Variants in CDH11 observed in about 807,000 individuals in gnomAD.
CDH11 encodes cadherin-11.
CDH11 carries 11 observed loss-of-function variants against 67.8 expected under a neutral mutation model. The ratio of observed to expected loss-of-function variants is 0.16; its 90% confidence interval spans 0.10 to 0.27. The LOEUF (loss-of-function observed/expected upper bound fraction) is 0.27. CDH11 is among the 10% of genes least tolerant of loss of function. The probability of loss-of-function intolerance (pLI) is 1.00; values close to 1 mark genes in which losing one functional copy is unlikely to be tolerated. For synonymous variants in CDH11, 419 were observed against 400.0 expected, an observed-to-expected ratio of 1.05 and a Z score of -0.57; for missense variants, 847 against 1,031.2, an observed-to-expected ratio of 0.82 and a Z score of 2.45.
chr16:65,057,793 G>A (rs1195645278), intron 1 of CDH11, among the ~76,000 whole-genome samples: 1 of 152,212 alleles, frequency 6.6e-6, no homozygotes, highest in East Asian at 1.9e-4. Context: ...CAAGTGCATA[G>A]AGCAAGGAAG....
chr16:65,056,818 A>T (rs1435220195), intron 1 of CDH11, among the ~76,000 whole-genome samples: 1 of 152,146 alleles, frequency 6.6e-6, no homozygotes, highest in Non-Finnish European at 1.5e-5. Flanking sequence ...CAAATCTGTA[A>T]AAGACCGATC....
chr16:65,111,841 G>C (rs184715770), intron 1 of CDH11, among the ~76,000 whole-genome samples: 1 of 152,172 alleles, frequency 6.6e-6, no homozygotes, highest in East Asian at 1.9e-4. Flanking sequence ...GGAGGCCAAG[G>C]CGGGTGGATC....
intron 2 of CDH11, among the ~76,000 whole-genome samples, chr16:65,025,626 C>G (rs1326993739): frequency 1.3e-5 from 2 of 152,178 alleles, no homozygotes; most frequent in East Asian, 1.9e-4. Context: ...TAGGCATGAG[C>G]TACCACACCT....
chr16:65,053,513 G>A (rs959999494), intron 2 of CDH11, among the ~76,000 whole-genome samples: 11 of 152,280 alleles, frequency 7.2e-5, no homozygotes, highest in South Asian at 6.2e-4. Context: ...CTGTTCAGCC[G>A]GGTCCTTGCT....
intron 11 of CDH11, among the ~76,000 whole-genome samples, chr16:64,964,708 C>A (rs538150589): frequency 1.3e-5 from 2 of 151,936 alleles, no homozygotes; most frequent in Non-Finnish European, 2.9e-5. Context: ...GCCACCACAC[C>A]CGGATAATTT....
chr16:65,079,334 T>C (rs1281919752), intron 1 of CDH11, among the ~76,000 whole-genome samples: 1 of 152,220 alleles, frequency 6.6e-6, no homozygotes, highest in African/African-American at 2.4e-5. Flanking sequence ...AATGCATTTT[T>C]TTCTATCATG....
chr16:65,100,604 G>A (rs770665079), intron 1 of CDH11, among the ~76,000 whole-genome samples: 29 of 152,042 alleles, frequency 1.9e-4, no homozygotes, highest in Middle Eastern at 6.8e-3. Context: ...CGGGCGTCGT[G>A]GCGGGCGCCT....
chr16:65,037,400 A>G (rs1024129877), intron 2 of CDH11, among the ~76,000 whole-genome samples: 4 of 152,162 alleles, frequency 2.6e-5, no homozygotes, highest in East Asian at 1.9e-4. Context: ...ACCTCTGTCT[A>G]CACAGCCCCA....
intron 11 of CDH11, among the ~76,000 whole-genome samples, chr16:64,955,998 C>A (rs1225243137): frequency 6.6e-6 from 1 of 152,064 alleles, no homozygotes; most frequent in African/African-American, 2.4e-5. Flanking sequence ...GACATATTTC[C>A]AGGAAAGTGT....
intron 2 of CDH11, among the ~76,000 whole-genome samples, chr16:65,044,480 G>A (rs2073921236): frequency 6.6e-6 from 1 of 151,900 alleles, no homozygotes; most frequent in African/African-American, 2.4e-5. Flanking sequence ...GGAAAAGGGG[G>A]CTCATGAAGA....
chr16:65,099,122 A>G (rs140483131), intron 1 of CDH11, among the ~76,000 whole-genome samples: 74 of 152,298 alleles, frequency 4.9e-4, no homozygotes, highest in African/African-American at 1.5e-3. Context: ...TGGAATGCCT[A>G]TCTAAGTCTT....
At chr16:65,097,759 C>A (rs1157955868) in intron 1 of CDH11, among the ~76,000 whole-genome samples, 1 of 152,200 alleles carries the variant, frequency 6.6e-6, no homozygotes, top group East Asian at 1.9e-4. Flanking sequence ...TAACATCTCT[C>A]CCACAACACA....
In CDH11 at chr16:64,973,058, G is replaced by A. The variant is rs372354026; in HGVS notation, c.1254-18C>T. 12 of 1,611,264 alleles carry A rather than the reference G, an allele frequency of 7.4e-6. No homozygotes were observed. The East Asian group carries it at 1.6e-4, about 21-fold the overall frequency. ...TGGAATACCTAAGCAGAATGCAAAT[G>A]AGGCAATTAGACCAAGACATTCAGA... is the stretch of plus-strand genomic sequence containing the variant. On this transcript the variant is annotated intron_variant, in intron 8 of 12. Transcript: ENST00000268603.
intron 4 of CDH11, among the ~76,000 whole-genome samples, chr16:64,993,917 A>T (rs2072698769): frequency 6.6e-6 from 1 of 152,146 alleles, no homozygotes. Flanking sequence ...TCTGCTGGGC[A>T]TTTTTTACAT....
intron 11 of CDH11, among the ~76,000 whole-genome samples, chr16:64,957,233 C>T (rs1472531144): frequency 6.6e-6 from 1 of 152,084 alleles, no homozygotes; most frequent in Non-Finnish European, 1.5e-5. Context: ...CTAAACAATC[C>T]TCACAGCTTG....
At chr16:65,060,010 G>A (rs1273268659) in intron 1 of CDH11, among the ~76,000 whole-genome samples, 2 of 152,110 alleles carry the variant, frequency 1.3e-5, no homozygotes, top group African/African-American at 2.4e-5. Flanking sequence ...GGTACTAGAA[G>A]CTCCAGTTTT....
At chr16:64,981,271 A>G (rs912914219) in intron 8 of CDH11, 3 of 151,762 alleles carry the variant, frequency 2.0e-5, no homozygotes, top group African/African-American at 7.3e-5. Context: ...ATGCCCAGCT[A>G]AATTTTGTAT....
intron 2 of CDH11, among the ~76,000 whole-genome samples, chr16:65,035,133 G>C (rs898012039): frequency 6.6e-6 from 1 of 152,210 alleles, no homozygotes; most frequent in Admixed American, 6.5e-5. Flanking sequence ...ACCCTGACTT[G>C]TTTCAGTGAG....
At chr16:65,065,637 A>G (rs1167146164) in intron 1 of CDH11, among the ~76,000 whole-genome samples, 4 of 152,154 alleles carry the variant, frequency 2.6e-5, no homozygotes, top group Non-Finnish European at 5.9e-5. Flanking sequence ...TCTTAAACAT[A>G]GTGGAAAGAT....
Sources: allele counts gnomAD v4.1 joint callset (sites outside exome capture counted in the v4.1 genomes callset), GRCh38; gene constraint gnomAD v4.1.1; transcripts MANE v1.5; gene names NCBI Gene and HGNC (gene_info 2026-07-23, HGNC 2026-07-21).